SYNDIG1: variants seen among roughly 807,000 people sequenced by gnomAD.
SYNDIG1 encodes the protein synapse differentiation-inducing gene protein 1.
Under a neutral mutation model 19.4 loss-of-function variants are expected in SYNDIG1, and 9 were observed. The observed-to-expected ratio is 0.46, with a 90% confidence interval of 0.28 to 0.81. The LOEUF is 0.81. Among genes scored for constraint, SYNDIG1 ranks in the 30% least tolerant of loss-of-function variants. The pLI is 0.12. For synonymous variants in SYNDIG1, 141 were observed against 145.9 expected (o/e 0.97, Z 0.24); for missense variants, 311 against 343.3 (o/e 0.91, Z 0.74).
At chr20:24,537,372 C>T (rs1211766662) in intron 1 of SYNDIG1, among the ~76,000 whole-genome samples, 1 of 151,844 alleles carries the variant, frequency 6.6e-6, no homozygotes, top group Non-Finnish European at 1.5e-5. Flanking sequence ...ATACACTCCT[C>T]CTTCAGTGGT....
In SYNDIG1 at chr20:24,627,635, C is replaced by T. The variant is rs150389513; in HGVS notation, c.619-37711C>T. On this transcript the variant is annotated intron_variant, in intron 3 of 3. Coordinates refer to ENST00000376862, the MANE Select transcript of SYNDIG1 (RefSeq NM_024893.3). ...AAGACATGAAGCCTTCCCCGGTTCC[C>T]GGGACTGGAACTGACACTGGTTTGA... Among the ~76,000 whole-genome samples the T allele has an allele frequency of 4.8e-3, 727 of 152,388 alleles. 4 individuals carry two copies. The highest frequency in any genetic ancestry group is 7.6e-3 in the Non-Finnish European group (514 of 68,038).
At chr20:24,661,704 T>C (rs2059605856) in intron 3 of SYNDIG1, among the ~76,000 whole-genome samples, 1 of 151,640 alleles carries the variant, frequency 6.6e-6, no homozygotes, top group Non-Finnish European at 1.5e-5. Flanking sequence ...CAGGTGGGCA[T>C]GAGAAGGGGA....
chr20:24,608,039 A>G (rs1375063185), intron 3 of SYNDIG1, among the ~76,000 whole-genome samples: 2 of 152,190 alleles, frequency 1.3e-5, no homozygotes, highest in African/African-American at 4.8e-5. Context: ...TAAACCCTCT[A>G]GTCTCCAGTG....
chr20:24,645,265 A>T (rs2059412347), intron 3 of SYNDIG1, among the ~76,000 whole-genome samples: 1 of 152,202 alleles, frequency 6.6e-6, no homozygotes, highest in Non-Finnish European at 1.5e-5. Flanking sequence ...CAAAACACCC[A>T]TGTTAATTAC....
chr20:24,592,221 A>G (rs1272275961), intron 3 of SYNDIG1, among the ~76,000 whole-genome samples: 1 of 152,162 alleles, frequency 6.6e-6, no homozygotes, highest in Non-Finnish European at 1.5e-5. Flanking sequence ...AGGTGGAGGG[A>G]ACAATTTTGG....
At chr20:24,563,780 G>GT (rs975266189) in intron 2 of SYNDIG1, among the ~76,000 whole-genome samples, 8 of 151,994 alleles carry the variant, frequency 5.3e-5, no homozygotes, top group South Asian at 2.1e-4. Context: ...TTTTGTATTT[G>GT]TTTTTTTGTA....
chr20:24,497,641 C>T (rs1326793766), intron 1 of SYNDIG1, among the ~76,000 whole-genome samples: 1 of 152,158 alleles, frequency 6.6e-6, no homozygotes, highest in Non-Finnish European at 1.5e-5. Flanking sequence ...GAGGTAAGAA[C>T]AGATGGAAAA....
chr20:24,635,655 A>G (rs1231631934), intron 3 of SYNDIG1, among the ~76,000 whole-genome samples: 5 of 152,180 alleles, frequency 3.3e-5, no homozygotes, highest in Non-Finnish European at 7.3e-5. Context: ...TTACAATTAC[A>G]TTCACATCAC....
chr20:24,555,162 AT>A (rs1228209918), intron 2 of SYNDIG1, among the ~76,000 whole-genome samples: 2 of 152,020 alleles, frequency 1.3e-5, no homozygotes, highest in African/African-American at 4.8e-5. Context: ...CCCCTTTATC[AT>A]TTTTTATTGC....
chr20:24,480,748 G>A (rs189332503), intron 1 of SYNDIG1, among the ~76,000 whole-genome samples: 7 of 152,344 alleles, frequency 4.6e-5, no homozygotes, highest in African/African-American at 1.4e-4. Context: ...CAGATGAGCG[G>A]ATAAGCAAAA....
chr20:24,550,802 G>A (rs367660298), intron 2 of SYNDIG1, among the ~76,000 whole-genome samples: 22 of 152,134 alleles, frequency 1.4e-4, no homozygotes, highest in Non-Finnish European at 7.4e-5. Flanking sequence ...GAGCCACTGC[G>A]CCCAGCCTAC....
At chr20:24,475,931 G>A (rs2146205725) in intron 1 of SYNDIG1, among the ~76,000 whole-genome samples, 1 of 151,088 alleles carries the variant, frequency 6.6e-6, no homozygotes, top group South Asian at 2.1e-4. Flanking sequence ...CACAATCTCA[G>A]CTTACTGCAA....
chr20:24,626,379 G>T (rs942136120), intron 3 of SYNDIG1, among the ~76,000 whole-genome samples: 2 of 151,088 alleles, frequency 1.3e-5, no homozygotes, highest in South Asian at 4.2e-4. Flanking sequence ...GGGCAGAGAC[G>T]CTCCTCACCT....
chr20:24,532,299 A>G (rs533759621), intron 1 of SYNDIG1, among the ~76,000 whole-genome samples: 1 of 152,246 alleles, frequency 6.6e-6, no homozygotes, highest in Non-Finnish European at 1.5e-5. Context: ...ACCATGGAAT[A>G]TGAGCCCGCC....
intron 3 of SYNDIG1, among the ~76,000 whole-genome samples, chr20:24,649,249 G>A (rs1342751186): frequency 6.6e-6 from 1 of 152,172 alleles, no homozygotes; most frequent in East Asian, 1.9e-4. Context: ...GCTTTGGGTG[G>A]ACACTCAGCT....
At chr20:24,591,095 TG>T (rs2058503889) in intron 3 of SYNDIG1, among the ~76,000 whole-genome samples, 1 of 151,994 alleles carries the variant, frequency 6.6e-6, no homozygotes, top group Non-Finnish European at 1.5e-5. Flanking sequence ...TGTGTGTGTG[TG>T]TGTGTGTGTG....
chr20:24,660,408 GTTGCC>G (rs1249070084), intron 3 of SYNDIG1, among the ~76,000 whole-genome samples: 1 of 152,168 alleles, frequency 6.6e-6, no homozygotes, highest in Non-Finnish European at 1.5e-5. Context: ...GACACTTCCT[GTTGCC>G]TCTTGGCCTT....
At position 24,658,774 on chromosome 20, in the gene SYNDIG1, G is replaced by A. The variant is rs533114452; in HGVS notation, c.619-6572G>A. 2.6e-5 allele frequency among the ~76,000 whole-genome samples: 4 copies of A among 152,206 alleles called. No individual in the cohort carries two copies. In the South Asian group the frequency reaches 6.2e-4, roughly 24 times the overall value. ...GTTCACCACAGGCTCTTCTCCCAGC[G>A]GGGTCGTCTGCCTCGTTTTCTCCCA... On this transcript the variant is annotated intron_variant, in intron 3 of 3. Transcript: ENST00000376862. This position sits in a 1 kb window ranked among gnomAD's most constrained non-coding sequence, Gnocchi z 4.4.
chr20:24,574,283 G>A lies in SYNDIG1; in HGVS notation c.481-10573G>A, dbSNP rs528895261. Among the ~76,000 whole-genome samples the A allele has an allele frequency of 1.9e-3, 286 of 150,758 alleles. 1 individual carries two copies. The highest frequency in any genetic ancestry group is 0.014 in the Middle Eastern group (4 of 292). On this transcript the variant is annotated intron_variant, in intron 2 of 3. Coordinates refer to ENST00000376862, the MANE Select transcript of SYNDIG1 (RefSeq NM_024893.3). ...GCCTGAGCTCAGGAGTTTGAGACCA[G>A]CCTGGGCAACACAGTGAAACCCCGT...
Sources: allele counts gnomAD v4.1 joint callset (sites outside exome capture counted in the v4.1 genomes callset), GRCh38; gene constraint gnomAD v4.1.1; non-coding constraint Gnocchi (gnomAD v3.1); transcripts MANE v1.5; gene names NCBI Gene and HGNC (gene_info 2026-07-23, HGNC 2026-07-21).